Variants in TBC1D22A observed in about 807,000 individuals in gnomAD.
TBC1D22A encodes TBC1 domain family member 22A.
In TBC1D22A, 38 loss-of-function variants were observed where a neutral mutation model predicts 60.2. That is an observed-to-expected ratio of 0.63 (90% CI 0.49 to 0.83). The LOEUF is 0.83. Ranked by LOEUF, TBC1D22A falls within the 40% of genes least tolerant of loss-of-function variation. TBC1D22A has a pLI of 0.00. For synonymous variants in TBC1D22A, 302 were observed against 281.7 expected (o/e 1.07, Z -0.72); for missense variants, 628 against 701.0 (o/e 0.90, Z 1.18).
chr22:47,125,361 G>T (rs546185706), intron 12 of TBC1D22A, among the ~76,000 whole-genome samples: 1 of 152,322 alleles, frequency 6.6e-6, no homozygotes, highest in Admixed American at 6.5e-5. Flanking sequence ...GGAGACCTGG[G>T]GGAGCAGGGA....
chr22:46,906,923 GT>G (rs1389373299), intron 7 of TBC1D22A, among the ~76,000 whole-genome samples: 1 of 152,080 alleles, frequency 6.6e-6, no homozygotes, highest in Non-Finnish European at 1.5e-5. Flanking sequence ...CTTTTCATGT[GT>G]GCGCGTGTGC....
intron 12 of TBC1D22A, among the ~76,000 whole-genome samples, chr22:47,132,812 G>A (rs140936412): frequency 1.3e-5 from 2 of 150,608 alleles, no homozygotes; most frequent in East Asian, 3.9e-4. Flanking sequence ...TGGGGATGCA[G>A]GAAACTCCCG....
chr22:46,959,977 T>C (rs1211362595), intron 8 of TBC1D22A, among the ~76,000 whole-genome samples: 2 of 152,220 alleles, frequency 1.3e-5, no homozygotes, highest in African/African-American at 4.8e-5. Flanking sequence ...TTTGAATTCT[T>C]CTGGCCCAAA....
intron 11 of TBC1D22A, among the ~76,000 whole-genome samples, chr22:47,110,020 A>G (rs545537143): frequency 6.6e-6 from 1 of 152,104 alleles, no homozygotes; most frequent in Non-Finnish European, 1.5e-5. Flanking sequence ...CAGAGCCCCG[A>G]GGATCTGTAC....
At chr22:46,841,374 T>C (rs2086764732) in intron 4 of TBC1D22A, among the ~76,000 whole-genome samples, 1 of 152,256 alleles carries the variant, frequency 6.6e-6, no homozygotes. Context: ...GTCAGACACC[T>C]AACCTGCCAG....
chr22:47,089,335 T>G lies in TBC1D22A; in HGVS notation c.1330-22173T>G, dbSNP rs147644297. ...TTTGCTTTAGAATAACCTAGCAGCA[T>G]GCAGGCAGAGCGGGGGTCGGTAATA... is the stretch of plus-strand genomic sequence containing the variant. On this transcript the variant is annotated intron_variant, in intron 11 of 12. Coordinates refer to ENST00000337137, the MANE Select transcript of TBC1D22A (RefSeq NM_014346.5). Among the ~76,000 whole-genome samples, 64 of 152,370 alleles carry G rather than the reference T, an allele frequency of 4.2e-4. No homozygotes were observed. The East Asian group carries it at 0.012, about 29-fold the overall frequency.
At chr22:47,152,621 T>C (rs1253198969) in intron 12 of TBC1D22A, among the ~76,000 whole-genome samples, 2 of 152,242 alleles carry the variant, frequency 1.3e-5, no homozygotes, top group African/African-American at 4.8e-5. Flanking sequence ...TTAGGGCCAC[T>C]CTTGGTGGCT....
At chr22:46,958,878 G>C (rs1004633137) in intron 8 of TBC1D22A, among the ~76,000 whole-genome samples, 1 of 152,206 alleles carries the variant, frequency 6.6e-6, no homozygotes, top group Non-Finnish European at 1.5e-5. Context: ...CAGAGCAGCA[G>C]CCTTCTCATT....
intron 11 of TBC1D22A, among the ~76,000 whole-genome samples, chr22:47,043,197 C>T (rs1356690267): frequency 2.0e-5 from 3 of 152,194 alleles, no homozygotes; most frequent in Admixed American, 1.3e-4. Context: ...AGAGCCGGCC[C>T]TCAGGCAGGG....
chr22:47,052,019 G>A (rs918464958), intron 11 of TBC1D22A, among the ~76,000 whole-genome samples: 53 of 152,130 alleles, frequency 3.5e-4, no homozygotes, highest in African/African-American at 1.0e-3. Context: ...AGCACAGAGC[G>A]GGCGGGATGC....
intron 8 of TBC1D22A, among the ~76,000 whole-genome samples, chr22:46,920,799 G>C (rs1406718723): frequency 6.7e-6 from 1 of 148,496 alleles, no homozygotes; most frequent in Non-Finnish European, 1.5e-5. Flanking sequence ...TTTTGAGATG[G>C]TGTCTCTGTT....
intron 11 of TBC1D22A, among the ~76,000 whole-genome samples, chr22:47,095,158 G>A (rs560780118): frequency 2.4e-4 from 36 of 152,216 alleles, no homozygotes; most frequent in Non-Finnish European, 5.0e-4. Flanking sequence ...GAAACACAGT[G>A]GTCTGGTGAT....
chr22:46,923,640 T>C (rs1247477019), intron 8 of TBC1D22A, among the ~76,000 whole-genome samples: 2 of 152,260 alleles, frequency 1.3e-5, no homozygotes, highest in Non-Finnish European at 2.9e-5. Context: ...GGGGTTACTG[T>C]CCTGTGTATG....
chr22:46,891,088 C>T (rs779303853), intron 5 of TBC1D22A, among the ~76,000 whole-genome samples, 178 bp from the exon 6 acceptor site: 1 of 145,778 alleles, frequency 6.9e-6, no homozygotes, highest in Non-Finnish European at 1.5e-5. Flanking sequence ...GCATTGTGTT[C>T]AGCTGGCTGA....
chr22:46,763,224 G>A (rs1036319442), intron 1 of TBC1D22A: 2 of 232,278 alleles, frequency 8.6e-6, no homozygotes. Context: ...CTGCTGGGTG[G>A]ATCAGTTTCT....
At chr22:46,801,574 C>A (rs1270830808) in intron 4 of TBC1D22A, among the ~76,000 whole-genome samples, 1 of 152,242 alleles carries the variant, frequency 6.6e-6, no homozygotes, top group African/African-American at 2.4e-5. Flanking sequence ...GAAAATGACA[C>A]TCAAGTTGGT....
intron 11 of TBC1D22A, among the ~76,000 whole-genome samples, chr22:47,098,712 C>A (rs5767487): frequency 0.36 from 54,076 of 152,170 alleles, 9,759 homozygotes; most frequent in South Asian, 0.46. Flanking sequence ...TGACTCGCAT[C>A]ATGGGTGGCT....
At chr22:46,961,219 C>G (rs2073487688) in intron 8 of TBC1D22A, among the ~76,000 whole-genome samples, 1 of 152,004 alleles carries the variant, frequency 6.6e-6, no homozygotes, top group Admixed American at 6.5e-5. Flanking sequence ...TTCATTGTAC[C>G]ATAATATTAA....
intron 5 of TBC1D22A, 49 bp downstream of exon 5, chr22:46,878,772 A>G (rs1476190303): frequency 1.3e-6 from 2 of 1,583,970 alleles, no homozygotes; most frequent in Admixed American, 3.3e-5. Context: ...GTGCACAGGG[A>G]CTGCAGGCGT....
Sources: allele counts gnomAD v4.1 joint callset (sites outside exome capture counted in the v4.1 genomes callset), GRCh38; gene constraint gnomAD v4.1.1; transcripts MANE v1.5; gene names NCBI Gene and HGNC (gene_info 2026-07-23, HGNC 2026-07-21).